SORCS3: variants seen among roughly 807,000 people sequenced by gnomAD.
SORCS3 encodes the protein VPS10 domain-containing receptor SorCS3.
Under a neutral mutation model 146.3 loss-of-function variants are expected in SORCS3, and 57 were observed. The ratio of observed to expected loss-of-function variants is 0.39; its 90% CI spans 0.31 to 0.49. The LOEUF is 0.49. SORCS3 is among the 20% of genes least tolerant of loss of function. SORCS3 has a pLI of 0.92. For synonymous variants in SORCS3, 653 were observed against 618.5 expected, an observed-to-expected ratio of 1.06 and a Z score of -0.83; for missense variants, 1,341 against 1,575.5, an observed-to-expected ratio of 0.85 and a Z score of 2.52.
intron 1 of SORCS3, among the ~76,000 whole-genome samples, chr10:104,694,350 C>G (rs1211746523): frequency 6.6e-6 from 1 of 151,680 alleles, no homozygotes; most frequent in African/African-American, 2.4e-5. Context: ...CAAATCCTAC[C>G]TCTCCAGCTC....
At chr10:105,074,992 A>T (rs1564747944) in intron 5 of SORCS3, among the ~76,000 whole-genome samples, 1 of 152,208 alleles carries the variant, frequency 6.6e-6, no homozygotes, top group Non-Finnish European at 1.5e-5. Flanking sequence ...TCTGCACATT[A>T]TTAGCCTATA....
At chr10:104,829,792 T>C (rs2017980383) in intron 1 of SORCS3, among the ~76,000 whole-genome samples, 1 of 152,218 alleles carries the variant, frequency 6.6e-6, no homozygotes, top group African/African-American at 2.4e-5. Context: ...CTTGAAATGC[T>C]TTCCTCACTC....
chr10:105,052,704 G>C, intron 5 of SORCS3, among the ~76,000 whole-genome samples: 1 of 152,096 alleles, frequency 6.6e-6, no homozygotes, highest in East Asian at 1.9e-4. Context: ...TCCATGAGCA[G>C]GAATAGGAGA....
intron 4 of SORCS3, among the ~76,000 whole-genome samples, chr10:105,031,348 C>T (rs915712576): frequency 6.6e-6 from 1 of 151,662 alleles, no homozygotes; most frequent in Non-Finnish European, 1.5e-5. Flanking sequence ...CACACACACA[C>T]ACACACACAC....
chr10:105,117,836 ATAAT>A, intron 7 of SORCS3, among the ~76,000 whole-genome samples: 1 of 152,340 alleles, frequency 6.6e-6, no homozygotes, highest in Admixed American at 6.5e-5. Context: ...ATGCCTCTCA[ATAAT>A]TAACATAGTT....
chr10:104,967,137 T>C (rs919277413), intron 3 of SORCS3, among the ~76,000 whole-genome samples: 8 of 152,098 alleles, frequency 5.3e-5, no homozygotes, highest in African/African-American at 1.9e-4. Flanking sequence ...TGGGGTATAG[T>C]CATCCAATGA....
chr10:104,683,362 G>A (rs915909235), intron 1 of SORCS3, among the ~76,000 whole-genome samples: 10 of 152,212 alleles, frequency 6.6e-5, no homozygotes, highest in African/African-American at 2.2e-4. Flanking sequence ...TTCAGATAGA[G>A]CAGATGCTTT....
At position 105,073,403 on chromosome 10, in the gene SORCS3, T is replaced by C. The variant is rs1185637417; in HGVS notation, c.1029-16372T>C. Reference sequence around the variant, plus strand: ...AGAGAATGACGCTGGACACAGGGTGTTCAGTCTGGTACACACGTAGAGGAT... The same window carrying C: ...AGAGAATGACGCTGGACACAGGGTGCTCAGTCTGGTACACACGTAGAGGAT... On this transcript the variant is annotated intron_variant, in intron 5 of 26. Transcript: ENST00000369701. Among the ~76,000 whole-genome samples, 3 of 152,182 alleles carry C rather than the reference T, an allele frequency of 2.0e-5. No homozygotes were observed. In the East Asian group the frequency reaches 5.8e-4, roughly 29 times the overall value.
chr10:104,983,433 C>T (rs148947040), intron 4 of SORCS3, among the ~76,000 whole-genome samples: 9 of 152,136 alleles, frequency 5.9e-5, no homozygotes, highest in Non-Finnish European at 1.0e-4. Flanking sequence ...GAAGATACGG[C>T]ATGTATATGC....
At chr10:104,989,231 A>G (rs1045364541) in intron 4 of SORCS3, among the ~76,000 whole-genome samples, 2 of 152,252 alleles carry the variant, frequency 1.3e-5, no homozygotes, top group African/African-American at 4.8e-5. Flanking sequence ...AAATGTCACA[A>G]TTGTTTGCAT....
chr10:104,940,204 T>TTATATATATA lies in SORCS3; in HGVS notation c.795+24298_795+24307dup, dbSNP rs71022748. Reference sequence around the variant, plus strand: ...ACCGAGAGTTCCTCTTCCTTTTCTTTTATATATATATATATATATATATAT... The same window carrying TTATATATATA: ...ACCGAGAGTTCCTCTTCCTTTTCTTTTATATATATATATATATATATATATATATATATAT... On this transcript the variant is annotated intron_variant, in intron 3 of 26. Transcript: ENST00000369701. Among the ~76,000 whole-genome samples the TTATATATATA allele has an allele frequency of 2.4e-3, 129 of 52,916 alleles. 2 individuals are homozygous for TTATATATATA. Among genetic ancestry groups the TTATATATATA allele is most frequent in the Middle Eastern group, 0.014 (1 of 70 alleles). The allele number at this position is 52,916 out of a possible 152,430, so 34.7% of individuals were successfully genotyped here. A position where few individuals can be genotyped will look rare whatever the true frequency, so the allele number is the denominator to read the frequency against.
At chr10:104,689,786 C>T (rs751704341) in intron 1 of SORCS3, among the ~76,000 whole-genome samples, 5 of 152,090 alleles carry the variant, frequency 3.3e-5, no homozygotes, top group African/African-American at 9.7e-5. Context: ...ATGGGCTGGA[C>T]AGTGAGGCAT....
chr10:105,005,377 A>G (rs1180656219), intron 4 of SORCS3, among the ~76,000 whole-genome samples: 2 of 152,222 alleles, frequency 1.3e-5, no homozygotes, highest in East Asian at 1.9e-4. Context: ...ATATGCATAG[A>G]TTCATACCCA....
rs768517427 is a variant in SORCS3, at chr10:105,217,101, G to A, written c.2713G>A (p.Val905Ile). ...GAACAACCTTGGCTCAGACACAGCT[G>A]TCCTCTTCCTGCATGTGGTTTGTAA... ...AENNLGSDTA[V>I]LFLHVVCPVE... The change falls in exon 19 of 27, where the codon GTC becomes ATC. Residue 905 changes from valine (V) to isoleucine (I), a missense_variant. Val to Ile is a conservative substitution (Grantham distance 29). Coordinates refer to ENST00000369701, the MANE Select transcript of SORCS3 (RefSeq NM_014978.3). 2 of 1,614,084 alleles carry A rather than the reference G, an allele frequency of 1.2e-6. No individual in the cohort carries two copies. The highest frequency in any genetic ancestry group is 4.5e-5 in the East Asian group (2 of 44,880).
intron 1 of SORCS3, among the ~76,000 whole-genome samples, chr10:104,837,322 A>G (rs896128371): frequency 1.3e-5 from 2 of 152,240 alleles, no homozygotes; most frequent in Non-Finnish European, 2.9e-5. Context: ...TCAGATGCCA[A>G]TTTAAAATAG....
chr10:105,205,474 T>G (rs985547993), intron 16 of SORCS3, among the ~76,000 whole-genome samples: 1 of 152,132 alleles, frequency 6.6e-6, no homozygotes, highest in African/African-American at 2.4e-5. Context: ...AGAGCCACTT[T>G]GCAGCAACCT....
intron 10 of SORCS3, among the ~76,000 whole-genome samples, chr10:105,158,027 A>G (rs1034665792): frequency 6.6e-6 from 1 of 152,152 alleles, no homozygotes; most frequent in Admixed American, 6.5e-5. Context: ...TGGGACTACA[A>G]TGGTAAATAC....
Position 104,977,494 on chromosome 10 carries a change from G to A in SORCS3, c.954+1G>A. The A allele has an allele frequency of 6.2e-7, 1 of 1,600,178 alleles. No individual in the cohort carries two copies. The highest frequency in any genetic ancestry group is 8.5e-7 in the Non-Finnish European group (1 of 1,175,090). On this transcript the variant is annotated splice_donor_variant, in intron 4 of 26. Coordinates refer to ENST00000369701, the MANE Select transcript of SORCS3 (RefSeq NM_014978.3). LOFTEE classifies it high-confidence loss of function. ...GCTGGCCTACAGTTTGGATCAAAAGGTGAATAAATACTATTTTCATTTACT... is the reference window on the plus strand; with the variant it reads ...GCTGGCCTACAGTTTGGATCAAAAGATGAATAAATACTATTTTCATTTACT...
At chr10:105,031,589 C>T (rs2055268117) in intron 4 of SORCS3, among the ~76,000 whole-genome samples, 1 of 152,184 alleles carries the variant, frequency 6.6e-6, no homozygotes, top group Admixed American at 6.5e-5. Flanking sequence ...TCACATTACT[C>T]CCTGGAGAAC....
Sources: allele counts gnomAD v4.1 joint callset (sites outside exome capture counted in the v4.1 genomes callset), GRCh38; gene constraint gnomAD v4.1.1; transcripts MANE v1.5; gene names NCBI Gene and HGNC (gene_info 2026-07-23, HGNC 2026-07-21).